ROBO1: variants seen among roughly 807,000 people sequenced by gnomAD.
ROBO1 encodes roundabout homolog 1.
A neutral mutation model predicts 195.9 loss-of-function variants in ROBO1; 149 were observed. The ratio of observed to expected loss-of-function variants is 0.76; its 90% CI spans 0.67 to 0.87. ROBO1 has a LOEUF of 0.87. Ranked by LOEUF, ROBO1 falls within the 40% of genes least tolerant of loss-of-function variation. ROBO1 has a pLI of 0.00. For missense variants in ROBO1, 1,933 were observed against 2,068.3 expected (o/e 0.93, Z 1.27); for synonymous variants, 816 against 733.2 (o/e 1.11, Z -1.82).
intron 5 of ROBO1, among the ~76,000 whole-genome samples, chr3:78,730,606 G>C (rs959947200): frequency 6.6e-6 from 1 of 152,136 alleles, no homozygotes; most frequent in Non-Finnish European, 1.5e-5. Context: ...GCTTGCAAGT[G>C]ACAAGCTTAA....
intron 2 of ROBO1, among the ~76,000 whole-genome samples, chr3:79,404,296 A>C (rs1025652385): frequency 1.1e-4 from 17 of 152,064 alleles, no homozygotes; most frequent in Admixed American, 1.1e-3. Flanking sequence ...CTTTTCCTTC[A>C]TCTGCTGCAG....
chr3:79,559,783 G>A (rs540256125), intron 2 of ROBO1, among the ~76,000 whole-genome samples: 46 of 152,158 alleles, frequency 3.0e-4, no homozygotes, highest in African/African-American at 9.4e-4. Context: ...TGGGCGTGGT[G>A]GTGTGCACCT....
intron 2 of ROBO1, among the ~76,000 whole-genome samples, chr3:79,418,291 T>C (rs563505989): frequency 6.6e-6 from 1 of 152,310 alleles, no homozygotes; most frequent in South Asian, 2.1e-4. Context: ...CATATTAGTG[T>C]AATCAATAGT....
At chr3:79,636,642 C>T (rs374630000) in intron 1 of ROBO1, among the ~76,000 whole-genome samples, 1 of 152,126 alleles carries the variant, frequency 6.6e-6, no homozygotes, top group African/African-American at 2.4e-5. Context: ...CCCTCACGTG[C>T]ACTTTTTATC....
intron 4 of ROBO1, among the ~76,000 whole-genome samples, chr3:78,825,258 A>G (rs1488915267): frequency 6.6e-6 from 1 of 152,210 alleles, no homozygotes; most frequent in Non-Finnish European, 1.5e-5. Flanking sequence ...AAGGAAGCCA[A>G]ATCAGTTTGG....
intron 1 of ROBO1, among the ~76,000 whole-genome samples, chr3:79,653,541 A>G (rs761273918): frequency 4.8e-4 from 73 of 152,056 alleles, no homozygotes; most frequent in Non-Finnish European, 8.8e-4. Flanking sequence ...ACCATATGAA[A>G]GAAATATTTT....
At chr3:79,503,114 C>G (rs1223504937) in intron 2 of ROBO1, among the ~76,000 whole-genome samples, 1 of 152,150 alleles carries the variant, frequency 6.6e-6, no homozygotes, top group African/African-American at 2.4e-5. Flanking sequence ...GCTGCTCACT[C>G]TTTGGGTCTA....
intron 2 of ROBO1, among the ~76,000 whole-genome samples, chr3:79,148,338 A>T (rs1443468485): frequency 1.3e-5 from 2 of 151,890 alleles, no homozygotes; most frequent in African/African-American, 4.8e-5. Flanking sequence ...TATACCATTT[A>T]AAAATTAAAG....
At chr3:79,334,064 G>A (rs11918109) in intron 2 of ROBO1, among the ~76,000 whole-genome samples, 9,240 of 151,878 alleles carry the variant, frequency 0.061, 627 homozygotes, top group African/African-American at 0.17. Flanking sequence ...CCAGCACTTT[G>A]GGAGGCTGAG....
chr3:78,809,938 G>A (rs994218058), intron 4 of ROBO1, among the ~76,000 whole-genome samples: 20 of 148,760 alleles, frequency 1.3e-4, no homozygotes, highest in South Asian at 8.4e-4. Flanking sequence ...GTATACCTAT[G>A]TAACAAACCT....
intron 8 of ROBO1, among the ~76,000 whole-genome samples, chr3:78,712,017 C>CAAAAAAAAA (rs56267632): frequency 1.6e-4 from 12 of 76,456 alleles, no homozygotes; most frequent in Non-Finnish European, 2.5e-4. Flanking sequence ...AAGACCTTGG[C>CAAAAAAAAA]AAAAAAAAAA....
At chr3:79,486,012 C>T (rs1444811827) in intron 2 of ROBO1, among the ~76,000 whole-genome samples, 2 of 152,154 alleles carry the variant, frequency 1.3e-5, no homozygotes, top group Admixed American at 6.5e-5. Context: ...AACCACTTAA[C>T]CTGAATTTCA....
intron 14 of ROBO1, among the ~76,000 whole-genome samples, chr3:78,662,881 AT>A (rs1032696872): frequency 6.7e-4 from 102 of 151,756 alleles, no homozygotes; most frequent in Non-Finnish European, 1.2e-3. Context: ...ACTAATGTTA[AT>A]TTTTTTTTAT....
intron 3 of ROBO1, among the ~76,000 whole-genome samples, chr3:78,977,012 G>A (rs2076898186): frequency 6.6e-6 from 1 of 151,830 alleles, no homozygotes; most frequent in African/African-American, 2.4e-5. Flanking sequence ...TTTGAAAAGG[G>A]GATTCAACTA....
At chr3:79,502,451 G>T (rs988859363) in intron 2 of ROBO1, among the ~76,000 whole-genome samples, 1 of 152,124 alleles carries the variant, frequency 6.6e-6, no homozygotes, top group Non-Finnish European at 1.5e-5. Flanking sequence ...TCCCCGCGGG[G>T]CAGGGCTCGG....
chr3:79,184,772 T>C (rs947773799), intron 2 of ROBO1, among the ~76,000 whole-genome samples: 5 of 152,182 alleles, frequency 3.3e-5, no homozygotes, highest in African/African-American at 1.2e-4. Context: ...GGGAAATTGC[T>C]GGAGCCTTTC....
chr3:78,957,365 CTT>C (rs1161888117), intron 3 of ROBO1, among the ~76,000 whole-genome samples: 3 of 151,092 alleles, frequency 2.0e-5, no homozygotes, highest in Non-Finnish European at 4.4e-5. Context: ...CTCTCTCTCT[CTT>C]TTCTTCTAGT....
intron 2 of ROBO1, among the ~76,000 whole-genome samples, chr3:79,483,655 T>G (rs1303381874): frequency 1.3e-5 from 2 of 152,096 alleles, no homozygotes. Context: ...TGTAACAAAA[T>G]GGTAAGTATT....
intron 1 of ROBO1, among the ~76,000 whole-genome samples, chr3:79,678,899 T>C (rs1314016842): frequency 2.6e-5 from 4 of 152,118 alleles, no homozygotes; most frequent in African/African-American, 9.6e-5. Flanking sequence ...CCTCTGTATA[T>C]TTTGTTCCAT....
Sources: gnomAD v4.1 joint callset for allele counts (sites outside exome capture counted in the v4.1 genomes callset) on GRCh38, gnomAD v4.1.1 for gene constraint, MANE v1.5 for transcripts, NCBI Gene and HGNC (gene_info 2026-07-23, HGNC 2026-07-21) for gene names.